EYA4: variants seen among roughly 807,000 people sequenced by gnomAD.
The protein encoded by EYA4 is EYA transcriptional coactivator and phosphatase 4.
Under a neutral mutation model 87.9 loss-of-function variants are expected in EYA4, and 31 were observed. The observed-to-expected ratio is 0.35, with a 90% CI of 0.27 to 0.48. The LOEUF (loss-of-function observed/expected upper bound fraction) is 0.48. Ranked by LOEUF, EYA4 falls within the 20% of genes least tolerant of loss-of-function variation. The pLI is 0.99. For synonymous variants in EYA4, 263 were observed against 270.6 expected (o/e 0.97, Z 0.28); for missense variants, 678 against 761.4 (o/e 0.89, Z 1.29).
At position 133,463,770 on chromosome 6, in the gene EYA4, G is replaced by A. The variant is rs536902420; in HGVS notation, c.724+1006G>A. ...GTCTGTACTGCAAATCACAAATTTGGGGCTATATTAACATATTTGAACCAA... is the reference window on the plus strand; with the variant it reads ...GTCTGTACTGCAAATCACAAATTTGAGGCTATATTAACATATTTGAACCAA... On this transcript the variant is annotated intron_variant, in intron 9 of 19. Transcript: ENST00000355286. 7.2e-5 allele frequency among the ~76,000 whole-genome samples: 11 copies of A among 152,068 alleles called. No homozygotes were observed. The East Asian group carries it at 2.1e-3, about 29-fold the overall frequency.
chr6:133,351,394 G>C (rs1783630329), intron 2 of EYA4, among the ~76,000 whole-genome samples: 1 of 152,176 alleles, frequency 6.6e-6, no homozygotes, highest in African/African-American at 2.4e-5. Context: ...TGTATATGCA[G>C]TTCAGTCTTT....
intron 13 of EYA4, among the ~76,000 whole-genome samples, chr6:133,486,947 A>C (rs1373499559): frequency 6.6e-6 from 1 of 152,172 alleles, no homozygotes; most frequent in Non-Finnish European, 1.5e-5. Flanking sequence ...ATCACACAAT[A>C]CCTAGTTTTA....
intron 1 of EYA4, among the ~76,000 whole-genome samples, chr6:133,245,743 G>A (rs889741360): frequency 3.9e-5 from 6 of 152,144 alleles, no homozygotes; most frequent in Non-Finnish European, 5.9e-5. Context: ...CAAACTTGGC[G>A]TCATTTAGCT....
intron 14 of EYA4, among the ~76,000 whole-genome samples, chr6:133,511,979 T>TA (rs11355023): frequency 0.23 from 33,426 of 142,478 alleles, 4,937 homozygotes; most frequent in African/African-American, 0.43. Flanking sequence ...AGATTCCATA[T>TA]AAAAAAAAAA....
Position 133,373,255 on chromosome 6 carries a change from G to GGCCA in EYA4, c.34-9136_34-9135insCCAG, listed in dbSNP as rs906578301. Among the ~76,000 whole-genome samples, 10 of 152,056 alleles carry GGCCA rather than the reference G, an allele frequency of 6.6e-5. 1 individual carries two copies. Among genetic ancestry groups the GGCCA allele is most frequent in the East Asian group, 3.9e-4 (2 of 5,172 alleles). On this transcript the variant is annotated intron_variant, in intron 2 of 19. Coordinates refer to ENST00000355286, the MANE Select transcript of EYA4 (RefSeq NM_004100.5). ...TAAGTGGTAGAGCACTGGCTTGTCT[G>GGCCA]GGGTCCTTTTGTGCTTGGCAGATCT...
intron 15 of EYA4, 30 bp from the exon 16 acceptor site, chr6:133,512,848 T>C: frequency 6.2e-7 from 1 of 1,613,852 alleles, no homozygotes; most frequent in Non-Finnish European, 8.5e-7. Context: ...CATGTAATTA[T>C]TTCTTTTTAA....
chr6:133,389,424 C>G (rs1445891551), intron 3 of EYA4, among the ~76,000 whole-genome samples: 2 of 152,208 alleles, frequency 1.3e-5, no homozygotes, highest in Non-Finnish European at 2.9e-5. Flanking sequence ...ACTATAAGCT[C>G]TACAAGGTTA....
At position 133,451,330 on chromosome 6, in the gene EYA4, C is replaced by T. The variant is rs140250743; in HGVS notation, c.277+3151C>T. On this transcript the variant is annotated intron_variant, in intron 5 of 19. Coordinates refer to ENST00000355286, the MANE Select transcript of EYA4 (RefSeq NM_004100.5). Reference sequence around the variant, plus strand: ...AAACAGGCCATGGGTCAGATTTGGCCCAACTCCTGATATAGATCTATATGT... The same window carrying T: ...AAACAGGCCATGGGTCAGATTTGGCTCAACTCCTGATATAGATCTATATGT... Among the ~76,000 whole-genome samples the T allele has an allele frequency of 5.6e-3, 853 of 152,070 alleles. 10 individuals carry two copies. The highest frequency in any genetic ancestry group is 0.019 in the African/African-American group (791 of 41,474).
chr6:133,416,607 T>A (rs895883870), intron 3 of EYA4, among the ~76,000 whole-genome samples: 3 of 152,204 alleles, frequency 2.0e-5, no homozygotes, highest in Non-Finnish European at 4.4e-5. Context: ...ATAGATAAGA[T>A]AAAGCATTAC....
At chr6:133,383,517 CAAAAAAAAAAAAAAAAA>C (rs768724484) in intron 3 of EYA4, among the ~76,000 whole-genome samples, 1 of 45,242 alleles carries the variant, frequency 2.2e-5, no homozygotes, top group Non-Finnish European at 3.7e-5. Flanking sequence ...GACTCCATCT[CAAAAAAAAAAAAAAAAA>C]AAAAAAAAAA....
chr6:133,379,959 G>A (rs537069779), intron 2 of EYA4, among the ~76,000 whole-genome samples: 2 of 152,104 alleles, frequency 1.3e-5, no homozygotes, highest in South Asian at 4.2e-4. Context: ...CCGTATATAA[G>A]GGCTTCATAA....
At chr6:133,435,946 C>T (rs915588387) in intron 3 of EYA4, among the ~76,000 whole-genome samples, 16 of 152,072 alleles carry the variant, frequency 1.1e-4, no homozygotes, top group South Asian at 2.1e-4. Flanking sequence ...CCAGGCTGGG[C>T]GCGGTGGCTC....
intron 2 of EYA4, among the ~76,000 whole-genome samples, chr6:133,304,391 C>T (rs1024889468): frequency 4.6e-5 from 7 of 152,128 alleles, no homozygotes; most frequent in African/African-American, 1.7e-4. Context: ...TCTTTTCTGT[C>T]TCTTGCATTC....
At chr6:133,249,997 C>A (rs1217297181) in intron 1 of EYA4, among the ~76,000 whole-genome samples, 3 of 152,114 alleles carry the variant, frequency 2.0e-5, no homozygotes, top group Non-Finnish European at 4.4e-5. Flanking sequence ...TTGTTATATT[C>A]CCATTGAATG....
intron 13 of EYA4, among the ~76,000 whole-genome samples, chr6:133,490,549 A>C (rs961783984): frequency 6.6e-6 from 1 of 152,060 alleles, no homozygotes; most frequent in Admixed American, 6.6e-5. Context: ...ACTTATAATC[A>C]TCAAAGTGGA....
chr6:133,245,733 C>G (rs1774353954), intron 1 of EYA4, among the ~76,000 whole-genome samples: 1 of 152,148 alleles, frequency 6.6e-6, no homozygotes, highest in Non-Finnish European at 1.5e-5. Context: ...TTTTTGGAGC[C>G]AAACTTGGCG....
At chr6:133,338,450 T>A (rs147871777) in intron 2 of EYA4, among the ~76,000 whole-genome samples, 2 of 152,234 alleles carry the variant, frequency 1.3e-5, no homozygotes, top group Non-Finnish European at 2.9e-5. Flanking sequence ...GTCACTTCAC[T>A]TGAATGTGTA....
At chr6:133,426,581 A>T (rs1259140252) in intron 3 of EYA4, among the ~76,000 whole-genome samples, 1 of 152,190 alleles carries the variant, frequency 6.6e-6, no homozygotes, top group Non-Finnish European at 1.5e-5. Context: ...TGCTTTAATT[A>T]TGTTATTTCC....
At chr6:133,276,817 G>C (rs1464864707) in intron 2 of EYA4, among the ~76,000 whole-genome samples, 1 of 151,194 alleles carries the variant, frequency 6.6e-6, no homozygotes, top group Non-Finnish European at 1.5e-5. Flanking sequence ...CGGTTCTTCT[G>C]ACTCCAAGTC....
Sources: allele counts gnomAD v4.1 joint callset (sites outside exome capture counted in the v4.1 genomes callset), GRCh38; gene constraint gnomAD v4.1.1; transcripts MANE v1.5; gene names NCBI Gene and HGNC (gene_info 2026-07-23, HGNC 2026-07-21).